Variants in ZFR observed in about 807,000 individuals in gnomAD.
ZFR encodes zinc finger RNA-binding protein.
ZFR carries 19 observed loss-of-function variants against 130.7 expected under a neutral mutation model. The ratio of observed to expected loss-of-function variants is 0.15; its 90% confidence interval spans 0.10 to 0.21. The LOEUF is 0.21. ZFR is among the 10% of genes least tolerant of loss of function. ZFR has a pLI of 1.00. For synonymous variants in ZFR, 466 were observed against 456.9 expected, an observed-to-expected ratio of 1.02 and a Z score of -0.25; for missense variants, 872 against 1,321.5, an observed-to-expected ratio of 0.66 and a Z score of 5.27.
intron 17 of ZFR, among the ~76,000 whole-genome samples, chr5:32,372,099 G>C (rs140122290): frequency 3.9e-5 from 6 of 152,282 alleles, no homozygotes; most frequent in Non-Finnish European, 7.4e-5. Flanking sequence ...ATTTGATGAA[G>C]ACACAGGAGA....
chr5:32,387,483 A>G, intron 14 of ZFR, 66 bp downstream of exon 14: 1 of 1,576,502 alleles, frequency 6.3e-7, no homozygotes, highest in South Asian at 1.2e-5. Context: ...ACCGAAGCAC[A>G]GTCAGTCCCG....
rs1453906731 is a variant in ZFR at position 32,355,344 on chromosome 5, C to T, written c.*416G>A. On this transcript the variant is annotated 3_prime_UTR_variant, in exon 20 of 20. Transcript: ENST00000265069. ...ATACCATCTATAACAAAGTAACTTA[C>T]AACTAGTGTCAAAAAGCAAACAAAA... 1.3e-5 allele frequency: 2 copies of T among 153,346 alleles called. No individual in the cohort carries two copies. The highest frequency in any genetic ancestry group is 4.8e-5 in the African/African-American group (2 of 41,486). The allele number at this position is 153,346 out of a possible 1,614,324, so 9.5% of individuals were successfully genotyped here.
chr5:32,439,261 T>C (rs535287978), intron 2 of ZFR, among the ~76,000 whole-genome samples: 1 of 152,354 alleles, frequency 6.6e-6, no homozygotes, highest in African/African-American at 2.4e-5. Context: ...GCCAGTAAAT[T>C]TCCATCACCA....
intron 2 of ZFR, among the ~76,000 whole-genome samples, chr5:32,427,649 C>T (rs1040672029): frequency 1.3e-5 from 2 of 151,966 alleles, no homozygotes; most frequent in Admixed American, 6.6e-5. Flanking sequence ...TCCTAAAATT[C>T]CTGTGGAATC....
intron 2 of ZFR, among the ~76,000 whole-genome samples, chr5:32,441,188 G>A (rs1754464933): frequency 6.6e-6 from 1 of 152,186 alleles, no homozygotes; most frequent in Non-Finnish European, 1.5e-5. Context: ...TGTTGGTCAG[G>A]CTGATCTCAT....
intron 2 of ZFR, among the ~76,000 whole-genome samples, chr5:32,424,042 A>C (rs546748123): frequency 6.6e-6 from 1 of 152,350 alleles, no homozygotes; most frequent in Admixed American, 6.5e-5. Context: ...ACAAAAAGTA[A>C]ACCAAGAAAA....
intron 5 of ZFR, among the ~76,000 whole-genome samples, chr5:32,410,151 A>T (rs576118829): frequency 6.6e-6 from 1 of 151,856 alleles, no homozygotes; most frequent in African/African-American, 2.4e-5. Flanking sequence ...CTAAAAATAC[A>T]AAAAATTAGC....
chr5:32,410,720 T>C (rs986350351), intron 5 of ZFR, among the ~76,000 whole-genome samples: 7 of 152,222 alleles, frequency 4.6e-5, no homozygotes, highest in Non-Finnish European at 7.3e-5. Flanking sequence ...TTCATCATGC[T>C]ACAAGTCATC....
chr5:32,376,755 G>A (rs1378614927), intron 17 of ZFR, among the ~76,000 whole-genome samples: 1 of 152,184 alleles, frequency 6.6e-6, no homozygotes, highest in Non-Finnish European at 1.5e-5. Context: ...GGGAGGCCAA[G>A]GAGGGCAGAT....
chr5:32,425,872 T>C (rs1027450644), intron 2 of ZFR, among the ~76,000 whole-genome samples: 1 of 152,176 alleles, frequency 6.6e-6, no homozygotes, highest in Non-Finnish European at 1.5e-5. Flanking sequence ...AAACAAAAAC[T>C]CTGGGGTTCT....
Position 32,414,908 on chromosome 5 carries a change from A to G in ZFR, c.784+61T>C, listed in dbSNP as rs902549356. On this transcript the variant is annotated intron_variant, in intron 5 of 19. Coordinates refer to ENST00000265069, the MANE Select transcript of ZFR (RefSeq NM_016107.5). ...AGGTAATTTCAAAGACAATCAAGATAGTTTCTACTAAGTCTCTTCCTAATT... is the reference window on the plus strand; with the variant it reads ...AGGTAATTTCAAAGACAATCAAGATGGTTTCTACTAAGTCTCTTCCTAATT... The G allele has an allele frequency of 2.1e-6, 3 of 1,421,828 alleles. No individual in the cohort carries two copies. The African/African-American group carries it at 4.2e-5, about 20-fold the overall frequency. 88.1% of individuals were successfully genotyped at this position (1,421,828 alleles called of 1,614,324 possible).
chr5:32,403,065 C>CT, intron 8 of ZFR, 41 bp downstream of exon 8: 1 of 1,583,832 alleles, frequency 6.3e-7, no homozygotes. Flanking sequence ...AGAAACAACA[C>CT]TTTGACAGAG....
intron 15 of ZFR, among the ~76,000 whole-genome samples, chr5:32,381,429 A>G (rs1314712318): frequency 2.0e-5 from 3 of 152,166 alleles, no homozygotes; most frequent in Non-Finnish European, 4.4e-5. Context: ...TATTTTCTCA[A>G]TATAGAAAAA....
chr5:32,373,392 C>T (rs181355718), intron 17 of ZFR, among the ~76,000 whole-genome samples: 34 of 152,000 alleles, frequency 2.2e-4, no homozygotes, highest in South Asian at 1.2e-3. Context: ...CACTCTGTCT[C>T]GGGGAAAGGG....
At position 32,403,248 on chromosome 5, in the gene ZFR, C is replaced by G. The variant is rs767548795; in HGVS notation, c.1374G>C (p.Thr458=). ...TCATTGAAGACGTTGCAACTGATGA[C>G]GTATTCACAGTACAATTGTTTGCTG... ...SIAANNCTVN[T]SSVATSSMKG... Residue 458 remains threonine (T), a synonymous_variant, in exon 8 of 20, where the codon ACG becomes ACC. Transcript: ENST00000265069. 7 of 1,614,016 alleles carry G rather than the reference C, an allele frequency of 4.3e-6. No individual in the cohort carries two copies. The highest frequency in any genetic ancestry group is 1.7e-5 in the Admixed American group (1 of 60,008).
intron 17 of ZFR, among the ~76,000 whole-genome samples, chr5:32,376,516 C>T (rs2111698020): frequency 6.6e-6 from 1 of 151,498 alleles, no homozygotes; most frequent in South Asian, 2.1e-4. Flanking sequence ...TGTGGTGGCG[C>T]ATGCCTGTAG....
chr5:32,393,166 C>G (rs1162825200), intron 11 of ZFR, among the ~76,000 whole-genome samples: 1 of 151,926 alleles, frequency 6.6e-6, no homozygotes, highest in Non-Finnish European at 1.5e-5. Context: ...AAGAGATGTA[C>G]AAAAATGTAA....
chr5:32,423,476 G>C (rs773056187), intron 2 of ZFR, among the ~76,000 whole-genome samples: 22 of 152,160 alleles, frequency 1.4e-4, no homozygotes, highest in Non-Finnish European at 2.1e-4. Flanking sequence ...CCACAGATGA[G>C]AATTTTCAAA....
intron 2 of ZFR, among the ~76,000 whole-genome samples, chr5:32,423,322 C>T (rs1260441256): frequency 1.3e-5 from 2 of 151,670 alleles, no homozygotes; most frequent in Non-Finnish European, 2.9e-5. Flanking sequence ...GAGTGAGACC[C>T]CTGTCTCAAA....
Sources: gnomAD v4.1 joint callset for allele counts (sites outside exome capture counted in the v4.1 genomes callset) on GRCh38, gnomAD v4.1.1 for gene constraint, MANE v1.5 for transcripts, NCBI Gene and HGNC (gene_info 2026-07-23, HGNC 2026-07-21) for gene names.